CORIN: variants seen among roughly 807,000 people sequenced by gnomAD.
CORIN encodes the protein corin, serine peptidase, also known as atrial natriuretic peptide-converting enzyme.
Under a neutral mutation model 125.3 loss-of-function variants are expected in CORIN, and 117 were observed. That is an observed-to-expected ratio of 0.93 (90% CI 0.80 to 1.09). CORIN has a LOEUF of 1.09. CORIN is among the 50% of genes least tolerant of loss of function. The pLI is 0.00. For missense variants in CORIN, 1,253 were observed against 1,306.7 expected, an observed-to-expected ratio of 0.96 and a Z score of 0.63; for synonymous variants, 450 against 466.4, an observed-to-expected ratio of 0.96 and a Z score of 0.45.
At chr4:47,701,166 G>A (rs1026416416) in intron 5 of CORIN, among the ~76,000 whole-genome samples, 1 of 152,196 alleles carries the variant, frequency 6.6e-6, no homozygotes, top group Non-Finnish European at 1.5e-5. Context: ...TTTATGGGCT[G>A]TAGGCTTCAC....
intron 10 of CORIN, among the ~76,000 whole-genome samples, chr4:47,672,420 T>C (rs911908568): frequency 1.3e-5 from 2 of 152,216 alleles, no homozygotes; most frequent in African/African-American, 2.4e-5. Flanking sequence ...TTGCCTTTTC[T>C]ACATTTTTGA....
rs190806323 is a variant in CORIN, at chr4:47,750,153, G to A, written c.618-5570C>T. ...TCCCTATGATAAGCGAACAGCATTG[G>A]TTTCCTATGTCAGCATCTTCTGCGA... On this transcript the variant is annotated intron_variant, in intron 4 of 21. Coordinates refer to ENST00000273857, the MANE Select transcript of CORIN (RefSeq NM_006587.4). Among the ~76,000 whole-genome samples, 52 of 152,282 alleles carry A rather than the reference G, an allele frequency of 3.4e-4. No individual in the cohort carries two copies. In the East Asian group the frequency reaches 6.0e-3, roughly 18 times the overall value.
At chr4:47,766,802 C>T (rs879621503) in intron 3 of CORIN, among the ~76,000 whole-genome samples, 14 of 151,566 alleles carry the variant, frequency 9.2e-5, no homozygotes, top group Admixed American at 4.6e-4. Flanking sequence ...AAAAATTAGC[C>T]GGGTGTGATG....
At chr4:47,632,747 A>G (rs1722873070) in intron 16 of CORIN, among the ~76,000 whole-genome samples, 1 of 117,236 alleles carries the variant, frequency 8.5e-6, no homozygotes, top group Non-Finnish European at 1.7e-5. Flanking sequence ...AGATAGATAG[A>G]TAGATAGATA....
At chr4:47,649,906 G>C (rs921805189) in intron 13 of CORIN, among the ~76,000 whole-genome samples, 2 of 152,190 alleles carry the variant, frequency 1.3e-5, no homozygotes, top group African/African-American at 2.4e-5. Context: ...ACAGAGCAAA[G>C]AGTGGTCTCC....
intron 1 of CORIN, among the ~76,000 whole-genome samples, chr4:47,811,744 C>G (rs980364229): frequency 6.6e-6 from 1 of 152,192 alleles, no homozygotes; most frequent in African/African-American, 2.4e-5. Flanking sequence ...GATCAGAAAA[C>G]TAGTCTATGG....
intron 7 of CORIN, chr4:47,680,502 C>G (rs908491254): frequency 2.7e-5 from 10 of 372,278 alleles, no homozygotes; most frequent in African/African-American, 6.3e-5. Flanking sequence ...CCCCAGGACC[C>G]GTAGTTTGTT....
chr4:47,772,853 A>G (rs1231990474), intron 3 of CORIN, among the ~76,000 whole-genome samples: 1 of 152,184 alleles, frequency 6.6e-6, no homozygotes, highest in East Asian at 1.9e-4. Context: ...CATGTTACAT[A>G]GGTAAGAAAA....
At chr4:47,607,955 G>GAA (rs112787504) in intron 19 of CORIN, among the ~76,000 whole-genome samples, 49 of 142,390 alleles carry the variant, frequency 3.4e-4, no homozygotes, top group African/African-American at 5.9e-4. Context: ...TCAAAAAAAA[G>GAA]AAAAAAAAAA....
chr4:47,636,395 T>C (rs568508741), intron 16 of CORIN, among the ~76,000 whole-genome samples: 1 of 152,350 alleles, frequency 6.6e-6, no homozygotes, highest in Admixed American at 6.5e-5. Context: ...CTCTGATTTG[T>C]ATCATCAATT....
intron 12 of CORIN, among the ~76,000 whole-genome samples, chr4:47,658,334 C>T (rs1434638908): frequency 1.3e-5 from 2 of 152,218 alleles, no homozygotes; most frequent in Non-Finnish European, 2.9e-5. Context: ...GCAGCTCTGC[C>T]CCTGTGGCTT....
intron 5 of CORIN, among the ~76,000 whole-genome samples, chr4:47,696,664 T>C (rs1422764625): frequency 1.3e-5 from 2 of 152,160 alleles, no homozygotes; most frequent in Admixed American, 6.5e-5. Context: ...TGGGGACAAT[T>C]ATGGATCCCC....
At position 47,603,651 on chromosome 4, in the gene CORIN, A is replaced by C. The variant is rs1170637309; in HGVS notation, c.2558T>G (p.Val853Gly). Reference protein sequence around the residue: ...HCFEGRENAAVWKVVLGINNL... With the variant: ...HCFEGRENAAGWKVVLGINNL... The stretch of plus-strand genomic sequence containing the variant: ...GTTGATGCCAAGCACCACTTTCCAA[A>C]CTGCAGCATTCTCTCTCCTAAAATT... The change falls in exon 20 of 22, where the codon GTT (valine) becomes GGT (glycine). Residue 853 changes from valine to glycine, a missense_variant. Val to Gly is a moderately radical substitution (Grantham distance 109). Transcript: ENST00000273857. The C allele has an allele frequency of 2.5e-6, 4 of 1,613,328 alleles. No individual in the cohort carries two copies. The Admixed American group carries it at 6.7e-5, about 27-fold the overall frequency.
intron 3 of CORIN, among the ~76,000 whole-genome samples, chr4:47,766,540 G>A (rs758109983): frequency 2.6e-5 from 4 of 152,130 alleles, no homozygotes; most frequent in Non-Finnish European, 4.4e-5. Context: ...CATGTGCCCA[G>A]ATAAAAATGG....
At position 47,594,195 on chromosome 4, in the gene CORIN, C is replaced by T. The variant is rs549734211; in HGVS notation, c.*1526G>A. On this transcript the variant is annotated 3_prime_UTR_variant, in exon 22 of 22. Transcript: ENST00000273857. ...TTCAGTTGCTGGATTTCACACTCTC[C>T]TTAGGTTTATACAAACTGAAGGACA... 2.8e-3 allele frequency: 433 copies of T among 152,446 alleles called. 2 individuals carry two copies. The highest frequency in any genetic ancestry group is 9.6e-3 in the African/African-American group (397 of 41,512). 9.4% of individuals were successfully genotyped at this position (152,446 alleles called of 1,614,324 possible).
At chr4:47,706,783 A>G in intron 5 of CORIN, 1 of 1,598,462 alleles carries the variant, frequency 6.3e-7, no homozygotes, top group Non-Finnish European at 8.5e-7. Flanking sequence ...TCATTGATCC[A>G]TTCCATAAAG....
intron 2 of CORIN, among the ~76,000 whole-genome samples, chr4:47,791,077 T>C (rs61756970): frequency 2.6e-5 from 4 of 152,196 alleles, no homozygotes; most frequent in Non-Finnish European, 5.9e-5. Flanking sequence ...TATTCTGCTT[T>C]ACATACTTTA....
chr4:47,744,294 C>T (rs1728554902), intron 5 of CORIN, 108 bp downstream of exon 5: 2 of 1,052,034 alleles, frequency 1.9e-6, no homozygotes, highest in Non-Finnish European at 1.4e-6. Context: ...GATCTTGTCA[C>T]TTGGTTAAAA....
chr4:47,633,916 G>A (rs905330667), intron 16 of CORIN, among the ~76,000 whole-genome samples: 4 of 151,970 alleles, frequency 2.6e-5, no homozygotes, highest in East Asian at 1.9e-4. Context: ...CTAAAAATAC[G>A]TGCATCACTT....
Sources: allele counts gnomAD v4.1 joint callset (sites outside exome capture counted in the v4.1 genomes callset), GRCh38; gene constraint gnomAD v4.1.1; transcripts MANE v1.5; gene names NCBI Gene and HGNC (gene_info 2026-07-23, HGNC 2026-07-21).